Variants in GULP1 observed in about 807,000 individuals in gnomAD.
GULP1 encodes PTB domain-containing engulfment adapter protein 1.
A neutral mutation model predicts 40.9 loss-of-function variants in GULP1; 19 were observed. The observed-to-expected ratio is 0.46, with a 90% CI of 0.32 to 0.68. GULP1 has a LOEUF of 0.68. GULP1 is among the 30% of genes least tolerant of loss of function. The pLI, the probability that GULP1 is intolerant of heterozygous loss-of-function variation, is 0.03. For synonymous variants in GULP1, 119 were observed against 117.6 expected, an observed-to-expected ratio of 1.01 and a Z score of -0.08; for missense variants, 312 against 362.2, an observed-to-expected ratio of 0.86 and a Z score of 1.12.
chr2:188,490,452 C>G (rs1240620209), intron 4 of GULP1, among the ~76,000 whole-genome samples: 1 of 152,036 alleles, frequency 6.6e-6, no homozygotes, highest in African/African-American at 2.4e-5. Flanking sequence ...TCTGTGGAAC[C>G]CTGCCCCTGT....
At chr2:188,441,839 C>T (rs1365480845) in intron 2 of GULP1, among the ~76,000 whole-genome samples, 7 of 152,106 alleles carry the variant, frequency 4.6e-5, no homozygotes, top group Non-Finnish European at 1.0e-4. Context: ...TCTGATAGAG[C>T]CCTGACTGAT....
chr2:188,368,382 A>G (rs2047089580), intron 1 of GULP1, among the ~76,000 whole-genome samples: 1 of 152,066 alleles, frequency 6.6e-6, no homozygotes, highest in South Asian at 2.1e-4. Context: ...GGAGTTCGAG[A>G]CCAGCCTGAT....
At chr2:188,487,077 A>G (rs2061926281) in intron 4 of GULP1, among the ~76,000 whole-genome samples, 1 of 152,004 alleles carries the variant, frequency 6.6e-6, no homozygotes, top group Non-Finnish European at 1.5e-5. Context: ...GCAGAAATTT[A>G]AAAAATTCTG....
chr2:188,343,544 A>G (rs186672751), intron 1 of GULP1, among the ~76,000 whole-genome samples: 56 of 152,346 alleles, frequency 3.7e-4, no homozygotes, highest in Non-Finnish European at 5.9e-4. Flanking sequence ...AAAGACGCAT[A>G]TCTACTTAAA....
chr2:188,378,288 A>G (rs1014564628), intron 1 of GULP1, among the ~76,000 whole-genome samples: 6 of 151,858 alleles, frequency 4.0e-5, no homozygotes, highest in Non-Finnish European at 8.8e-5. Context: ...GAAAAAAAAA[A>G]AAAAAAGAAA....
At chr2:188,487,229 T>C (rs947959815) in intron 4 of GULP1, among the ~76,000 whole-genome samples, 5 of 151,968 alleles carry the variant, frequency 3.3e-5, no homozygotes, top group African/African-American at 4.8e-5. Context: ...AAATGTTTCA[T>C]TGAAACTTTT....
At chr2:188,546,603 G>A (rs550199937) in intron 7 of GULP1, among the ~76,000 whole-genome samples, 78 of 152,012 alleles carry the variant, frequency 5.1e-4, no homozygotes, top group African/African-American at 1.9e-3. Context: ...TAATACATTA[G>A]GAAAGAGGAA....
At chr2:188,438,825 A>G (rs1349577025) in intron 2 of GULP1, among the ~76,000 whole-genome samples, 2 of 152,034 alleles carry the variant, frequency 1.3e-5, no homozygotes, top group South Asian at 4.1e-4. Context: ...AGTTTACACA[A>G]TGCTTAATAT....
chr2:188,454,089 C>G (rs1161362190), intron 2 of GULP1, among the ~76,000 whole-genome samples: 2 of 152,314 alleles, frequency 1.3e-5, no homozygotes, highest in East Asian at 3.9e-4. Context: ...AGGTACCCTG[C>G]CCACTCAGCC....
At chr2:188,344,941 C>T (rs924099126) in intron 1 of GULP1, among the ~76,000 whole-genome samples, 9 of 151,956 alleles carry the variant, frequency 5.9e-5, no homozygotes, top group African/African-American at 2.2e-4. Context: ...TTGCAATGTA[C>T]TTTTTTAAAA....
intron 2 of GULP1, among the ~76,000 whole-genome samples, chr2:188,435,315 GC>G (rs1056222909): frequency 2.6e-5 from 4 of 152,154 alleles, no homozygotes; most frequent in Non-Finnish European, 5.9e-5. Context: ...CTTAGAAAAT[GC>G]CCTTTCAATT....
intron 4 of GULP1, among the ~76,000 whole-genome samples, chr2:188,502,002 T>C (rs1320209561): frequency 6.6e-6 from 1 of 151,974 alleles, no homozygotes; most frequent in Non-Finnish European, 1.5e-5. Context: ...ATTTTTAATT[T>C]TTTTAATGCC....
At chr2:188,345,857 A>G (rs1289859172) in intron 1 of GULP1, among the ~76,000 whole-genome samples, 1 of 152,216 alleles carries the variant, frequency 6.6e-6, no homozygotes, top group Non-Finnish European at 1.5e-5. Context: ...CATTCATTCA[A>G]ATACTTATTA....
intron 1 of GULP1, among the ~76,000 whole-genome samples, chr2:188,355,767 A>C (rs992543399): frequency 6.6e-6 from 1 of 152,042 alleles, no homozygotes; most frequent in Non-Finnish European, 1.5e-5. Context: ...AGATGCAAAA[A>C]TGGCTTATAA....
intron 2 of GULP1, among the ~76,000 whole-genome samples, chr2:188,386,737 T>C (rs1048269924): frequency 3.3e-5 from 5 of 152,204 alleles, no homozygotes; most frequent in Admixed American, 1.3e-4. Flanking sequence ...TAGTAACAAG[T>C]TAAAGTTTTC....
chr2:188,543,990 G>C (rs1691232442), intron 7 of GULP1, among the ~76,000 whole-genome samples: 1 of 152,088 alleles, frequency 6.6e-6, no homozygotes, highest in African/African-American at 2.4e-5. Context: ...CATGGTGACA[G>C]TGAGGACCAT....
chr2:188,323,880 G>T (rs1410466563), intron 1 of GULP1, among the ~76,000 whole-genome samples: 1 of 151,562 alleles, frequency 6.6e-6, no homozygotes, highest in African/African-American at 2.4e-5. Flanking sequence ...TCTCAATTTT[G>T]CTCTCTCCTC....
chr2:188,436,696 G>A (rs902456053), intron 2 of GULP1, among the ~76,000 whole-genome samples: 6 of 151,768 alleles, frequency 4.0e-5, no homozygotes, highest in African/African-American at 1.2e-4. Context: ...CATAATATGT[G>A]CACTAATTTA....
At chr2:188,564,625 T>C (rs1697200350) in intron 7 of GULP1, among the ~76,000 whole-genome samples, 1 of 151,956 alleles carries the variant, frequency 6.6e-6, no homozygotes, top group Admixed American at 6.6e-5. Flanking sequence ...CTCAGTTTAA[T>C]TGTGGTTAAT....
Sources: allele counts gnomAD v4.1 joint callset (sites outside exome capture counted in the v4.1 genomes callset), GRCh38; gene constraint gnomAD v4.1.1; transcripts MANE v1.5; gene names NCBI Gene and HGNC (gene_info 2026-07-23, HGNC 2026-07-21).